The following DMD variants were observed in gnomAD, a reference collection of about 807,000 sequenced individuals.
DMD encodes dystrophin.
DMD carries 63 observed loss-of-function variants against 330.1 expected under a neutral mutation model. The observed-to-expected ratio is 0.19, with a 90% confidence interval of 0.16 to 0.24. DMD has a LOEUF of 0.24. Ranked by LOEUF, DMD falls within the 10% of genes least tolerant of loss-of-function variation. The probability of loss-of-function intolerance (pLI) is 1.00; values close to 1 mark genes in which losing one functional copy is unlikely to be tolerated. For missense variants in DMD, 3,344 were observed against 2,684.1 expected (o/e 1.25, Z -5.43); for synonymous variants, 1,223 against 959.8 (o/e 1.27, Z -5.07).
At chrX:31,163,531 T>G (rs1286185268) in intron 74 of DMD, among the ~76,000 whole-genome samples, 1 of 112,108 alleles carries the variant, frequency 8.9e-6, no homozygotes, top group Non-Finnish European at 1.9e-5. Context: ...TCCTCTCCAC[T>G]CCAACTTTAA....
chrX:32,115,411 C>T (rs756296979), intron 44 of DMD, among the ~76,000 whole-genome samples: 49 of 110,514 alleles, frequency 4.4e-4, no homozygotes, highest in Middle Eastern at 4.6e-3. Flanking sequence ...AATTTTTGCG[C>T]GCGTGTGTGT....
chrX:32,197,301 C>A (rs961562167), intron 44 of DMD, among the ~76,000 whole-genome samples: 3 of 111,211 alleles, frequency 2.7e-5, no homozygotes, highest in African/African-American at 9.8e-5. Context: ...AAGCATTTCT[C>A]CTTTGTGTTA....
intron 51 of DMD, among the ~76,000 whole-genome samples, chrX:31,749,578 A>G (rs1329601476): frequency 4.5e-5 from 5 of 110,171 alleles, no homozygotes; most frequent in Non-Finnish European, 7.6e-5. Flanking sequence ...AGTCTTTGCT[A>G]TTGTAAATAG....
At chrX:32,317,112 A>G (rs1297087799) in intron 41 of DMD, among the ~76,000 whole-genome samples, 1 of 111,191 alleles carries the variant, frequency 9.0e-6, no homozygotes, top group African/African-American at 3.3e-5. Context: ...GCTTTTGTTA[A>G]TGTTCTTTAC....
chrX:32,248,189 T>C (rs930393160), intron 43 of DMD, among the ~76,000 whole-genome samples: 8 of 111,752 alleles, frequency 7.2e-5, no homozygotes, highest in African/African-American at 2.6e-4. Flanking sequence ...CAGTCCTTCA[T>C]GGTTTCACTG....
intron 17 of DMD, among the ~76,000 whole-genome samples, chrX:32,536,142 G>C (rs933441067): frequency 9.2e-6 from 1 of 109,011 alleles, no homozygotes; most frequent in Non-Finnish European, 1.9e-5. Context: ...GCCCTTGCCT[G>C]TAGTGCCAGC....
chrX:32,126,398 C>T (rs769483511), intron 44 of DMD, among the ~76,000 whole-genome samples: 3 of 111,890 alleles, frequency 2.7e-5, no homozygotes, highest in Admixed American at 9.5e-5. Context: ...GCTATTTTCA[C>T]GACACAAACA....
intron 43 of DMD, among the ~76,000 whole-genome samples, chrX:32,254,199 G>A (rs182243921): frequency 6.3e-5 from 7 of 110,939 alleles, no homozygotes; most frequent in African/African-American, 2.3e-4. Flanking sequence ...GCGCCAACAC[G>A]CCTGGCCAAT....
chrX:31,730,177 A>AGAT (rs1282263753), intron 51 of DMD, among the ~76,000 whole-genome samples: 2 of 111,886 alleles, frequency 1.8e-5, no homozygotes, highest in African/African-American at 3.2e-5. Flanking sequence ...CCGATTTAAG[A>AGAT]GATATTACTT....
At chrX:33,211,244 G>T in intron 1 of DMD, 38 bp downstream of exon 1, 1 of 1,195,053 alleles carries the variant, frequency 8.4e-7, no homozygotes, top group Non-Finnish European at 1.1e-6. Context: ...TAAACGTTAT[G>T]CCACAGTAAA....
chrX:32,054,135 G>GAGA (rs1450250738), intron 44 of DMD, among the ~76,000 whole-genome samples: 1 of 96,141 alleles, frequency 1.0e-5, no homozygotes, highest in Non-Finnish European at 2.1e-5. Context: ...GAGAGAGAGA[G>GAGA]AAGAGGACTG....
chrX:32,715,469 C>CAAAAAAAAAA lies in DMD; in HGVS notation c.650-16186_650-16177dup, dbSNP rs61325834. On this transcript the variant is annotated intron_variant, in intron 7 of 78. Coordinates refer to ENST00000357033, the MANE Select transcript of DMD (RefSeq NM_004006.3). ...ATCAGCCTGGTGACAGAGATTCCAT[C>CAAAAAAAAAA]AAAAAAAAAAAAAAAAAAAAAAAAA... is the stretch of plus-strand genomic sequence containing the variant. Among the ~76,000 whole-genome samples the CAAAAAAAAAA allele has an allele frequency of 1.2e-3, 21 of 17,224 alleles. 2 individuals carry two copies. The highest frequency in any genetic ancestry group is 2.2e-3 in the Non-Finnish European group (18 of 8,365). The allele number at this position is 17,224 out of a possible 115,157, so 15.0% of individuals were successfully genotyped here. A position where few individuals can be genotyped will look rare whatever the true frequency, so the allele number is the denominator to read the frequency against.
intron 60 of DMD, among the ~76,000 whole-genome samples, chrX:31,421,974 C>T (rs7473905): frequency 1.1e-4 from 7 of 65,838 alleles, no homozygotes; most frequent in African/African-American, 7.4e-4. Flanking sequence ...TATATATATA[C>T]ACATATATAT....
intron 43 of DMD, among the ~76,000 whole-genome samples, chrX:32,243,584 C>T (rs1326730972): frequency 9.0e-6 from 1 of 111,610 alleles, no homozygotes; most frequent in Non-Finnish European, 1.9e-5. Context: ...TTCCATTATA[C>T]AGGTAACAAA....
chrX:32,518,765 G>A (rs952134459), intron 17 of DMD, among the ~76,000 whole-genome samples: 1 of 110,387 alleles, frequency 9.1e-6, no homozygotes, highest in African/African-American at 3.3e-5. Context: ...AAGAAGCATG[G>A]GGCACCAGGC....
intron 44 of DMD, among the ~76,000 whole-genome samples, chrX:32,184,360 T>C (rs1413468292): frequency 9.0e-6 from 1 of 110,932 alleles, no homozygotes; most frequent in East Asian, 2.8e-4. Flanking sequence ...TTATACACCT[T>C]CAGAAGAATA....
intron 18 of DMD, among the ~76,000 whole-genome samples, chrX:32,504,689 T>C (rs2044435968): frequency 9.0e-6 from 1 of 111,220 alleles, no homozygotes; most frequent in Admixed American, 9.5e-5. Context: ...AGCATTATGG[T>C]TGAAAACCAT....
chrX:32,485,734 CT>C (rs5902034), intron 20 of DMD, among the ~76,000 whole-genome samples: 640 of 36,108 alleles, frequency 0.018, 5 homozygotes, highest in African/African-American at 0.063. Flanking sequence ...GCAACCACTG[CT>C]TTTTTTTTTT....
At chrX:31,295,844 T>C (rs1862730567) in intron 62 of DMD, among the ~76,000 whole-genome samples, 2 of 112,513 alleles carry the variant, frequency 1.8e-5, no homozygotes, top group Admixed American at 9.4e-5. Flanking sequence ...ATTGTGAATG[T>C]TGAGAATATA....
Sources: allele counts gnomAD v4.1 joint callset (sites outside exome capture counted in the v4.1 genomes callset), GRCh38; gene constraint gnomAD v4.1.1; transcripts MANE v1.5; gene names NCBI Gene and HGNC (gene_info 2026-07-23, HGNC 2026-07-21).